The following FHIT variants were observed in gnomAD, a reference collection of about 807,000 sequenced individuals.
FHIT encodes fragile histidine triad diadenosine triphosphatase, also known as bis(5'-adenosyl)-triphosphatase.
A neutral mutation model predicts 17.9 loss-of-function variants in FHIT; 19 were observed. The observed-to-expected ratio is 1.06, with a 90% CI of 0.74 to 1.56. The LOEUF is 1.56. Among genes scored for constraint, FHIT ranks in the 40% most tolerant of loss-of-function variants. The pLI is 0.00. For synonymous variants in FHIT, 81 were observed against 69.7 expected (o/e 1.16, Z -0.81); for missense variants, 248 against 189.2 (o/e 1.31, Z -1.82).
chr3:60,437,886 A>T (rs1475754489), intron 5 of FHIT, among the ~76,000 whole-genome samples: 1 of 150,774 alleles, frequency 6.6e-6, no homozygotes, highest in African/African-American at 2.4e-5. Context: ...ATGACTAGTC[A>T]CTTGAATTAA....
intron 1 of FHIT, among the ~76,000 whole-genome samples, chr3:61,238,869 A>G (rs926618980): frequency 2.0e-5 from 3 of 152,176 alleles, no homozygotes; most frequent in African/African-American, 4.8e-5. Context: ...TTTCACTGCC[A>G]TTTGGCAGAG....
intron 5 of FHIT, among the ~76,000 whole-genome samples, chr3:60,524,397 T>C (rs1433238242): frequency 1.3e-5 from 2 of 152,164 alleles, no homozygotes; most frequent in African/African-American, 4.8e-5. Context: ...ACATAGCATA[T>C]GTACATCTGG....
intron 4 of FHIT, among the ~76,000 whole-genome samples, chr3:60,621,990 C>G (rs1326213225): frequency 2.0e-5 from 3 of 152,102 alleles, no homozygotes; most frequent in African/African-American, 7.2e-5. Context: ...AATTAACCCT[C>G]TGCATTTTTC....
intron 5 of FHIT, among the ~76,000 whole-genome samples, chr3:60,337,159 A>C (rs1341618019): frequency 6.6e-6 from 1 of 152,166 alleles, no homozygotes. Flanking sequence ...TTCTTTCCTT[A>C]ATGTGATAAA....
At position 60,587,967 on chromosome 3, in the gene FHIT, TC is replaced by T. The variant is rs369163472; in HGVS notation, c.-17-50989del. Among the ~76,000 whole-genome samples, 15 of 151,732 alleles carry T rather than the reference TC, an allele frequency of 9.9e-5. No individual in the cohort carries two copies. The East Asian group carries it at 2.9e-3, about 30-fold the overall frequency. ...GCAATGCCCCTTCTCCTTTTTTTTT[TC>T]CCTTCCACCACTCTTCTGTCATGCC... On this transcript the variant is annotated intron_variant, in intron 4 of 9. Coordinates refer to ENST00000492590, the MANE Select transcript of FHIT (RefSeq NM_002012.4).
chr3:60,096,967 G>C (rs183966256), intron 5 of FHIT, among the ~76,000 whole-genome samples: 1 of 147,986 alleles, frequency 6.8e-6, no homozygotes, highest in East Asian at 2.0e-4. Context: ...GATTCCTTCA[G>C]GCTAGGAGTT....
At chr3:60,110,263 A>G (rs1704613703) in intron 5 of FHIT, among the ~76,000 whole-genome samples, 1 of 152,204 alleles carries the variant, frequency 6.6e-6, no homozygotes, top group South Asian at 2.1e-4. Flanking sequence ...ACTAACATTC[A>G]GTATAAATCT....
intron 3 of FHIT, among the ~76,000 whole-genome samples, chr3:60,885,208 C>T (rs2107145777): frequency 6.6e-6 from 1 of 152,072 alleles, no homozygotes; most frequent in Middle Eastern, 3.4e-3. Flanking sequence ...TGAAATGTTC[C>T]TAACACAAAG....
At chr3:59,773,535 G>A (rs759523889) in intron 8 of FHIT, among the ~76,000 whole-genome samples, 1 of 152,128 alleles carries the variant, frequency 6.6e-6, no homozygotes, top group Non-Finnish European at 1.5e-5. Flanking sequence ...TCCTCCCACT[G>A]TTCCCTGAGT....
chr3:60,365,499 T>A (rs1476963215), intron 5 of FHIT, among the ~76,000 whole-genome samples: 1 of 152,198 alleles, frequency 6.6e-6, no homozygotes, highest in Non-Finnish European at 1.5e-5. Flanking sequence ...CATACTTACC[T>A]AAATAGCCTA....
intron 8 of FHIT, among the ~76,000 whole-genome samples, chr3:59,883,220 G>C (rs1294080825): frequency 6.6e-6 from 1 of 152,150 alleles, no homozygotes. Flanking sequence ...TAAAAACTCT[G>C]TAATTCCTCA....
chr3:61,104,579 G>A (rs897284522), intron 2 of FHIT, among the ~76,000 whole-genome samples: 3 of 151,940 alleles, frequency 2.0e-5, no homozygotes, highest in Non-Finnish European at 2.9e-5. Flanking sequence ...ATCTTACTGG[G>A]GTTCTCTGTA....
Position 61,028,079 on chromosome 3 carries a change from T to G in FHIT, c.-111+13968A>C, listed in dbSNP as rs186397938. The stretch of plus-strand genomic sequence containing the variant: ...CATCTTCAAATCACTAAGGTTGGGT[T>G]ATAAATGGTTTTAGCTTCAGGTAAG... On this transcript the variant is annotated intron_variant, in intron 3 of 9. Coordinates refer to ENST00000492590, the MANE Select transcript of FHIT (RefSeq NM_002012.4). Among the ~76,000 whole-genome samples the G allele has an allele frequency of 2.0e-3, 305 of 152,304 alleles. 1 individual carries two copies. Among genetic ancestry groups the G allele is most frequent in the African/African-American group, 6.9e-3 (286 of 41,564 alleles).
chr3:60,398,250 G>C (rs1701529356), intron 5 of FHIT, among the ~76,000 whole-genome samples: 1 of 152,108 alleles, frequency 6.6e-6, no homozygotes, highest in South Asian at 2.1e-4. Flanking sequence ...GTGGTTATCG[G>C]AAACCTGAAA....
intron 8 of FHIT, among the ~76,000 whole-genome samples, chr3:59,763,667 G>A (rs1701642828): frequency 6.6e-6 from 1 of 152,188 alleles, no homozygotes; most frequent in South Asian, 2.1e-4. Context: ...CCTTGGGAGG[G>A]AATAAAAGAG....
At chr3:60,320,774 A>C (rs1709389802) in intron 5 of FHIT, among the ~76,000 whole-genome samples, 1 of 152,204 alleles carries the variant, frequency 6.6e-6, no homozygotes, top group African/African-American at 2.4e-5. Flanking sequence ...GATAATTACA[A>C]TTAGGGAGAT....
chr3:60,425,069 G>A (rs1367061058), intron 5 of FHIT, among the ~76,000 whole-genome samples: 2 of 152,028 alleles, frequency 1.3e-5, no homozygotes, highest in Admixed American at 6.6e-5. Context: ...TTAGCTGAAC[G>A]TGCCTTCCTA....
At chr3:60,947,029 A>G (rs750076053) in intron 3 of FHIT, among the ~76,000 whole-genome samples, 1 of 152,222 alleles carries the variant, frequency 6.6e-6, no homozygotes, top group Non-Finnish European at 1.5e-5. Context: ...GATGGGGCAG[A>G]ACAGTAAAAG....
Position 59,915,179 on chromosome 3 carries a change from G to A in FHIT, c.348+7167C>T, listed in dbSNP as rs577191126. Among the ~76,000 whole-genome samples, 95 of 152,248 alleles carry A rather than the reference G, an allele frequency of 6.2e-4. 1 individual carries two copies. The highest frequency in any genetic ancestry group is 2.0e-3 in the African/African-American group (83 of 41,534). On this transcript the variant is annotated intron_variant, in intron 8 of 9. Transcript: ENST00000492590. The stretch of plus-strand genomic sequence containing the variant: ...TCCTCCTTCACCGGCAAGCACCTTA[G>A]AGCTTTCTGATGGAATGTATCTGGT...
Sources: gnomAD v4.1 joint callset for allele counts (sites outside exome capture counted in the v4.1 genomes callset) on GRCh38, gnomAD v4.1.1 for gene constraint, MANE v1.5 for transcripts, NCBI Gene and HGNC (gene_info 2026-07-23, HGNC 2026-07-21) for gene names.